Variants in MTHFD1L observed in about 807,000 individuals in gnomAD.
MTHFD1L encodes methylenetetrahydrofolate dehydrogenase (NADP+ dependent) 1 like.
MTHFD1L carries 81 observed loss-of-function variants against 119.5 expected under a neutral mutation model. The ratio of observed to expected loss-of-function variants is 0.68; its 90% confidence interval spans 0.57 to 0.82. The LOEUF is 0.82. Ranked by LOEUF, MTHFD1L falls within the 40% of genes least tolerant of loss-of-function variation. The pLI is 0.00. For synonymous variants in MTHFD1L, 430 were observed against 475.2 expected (o/e 0.90, Z 1.24); for missense variants, 1,125 against 1,253.4 (o/e 0.90, Z 1.55).
chr6:150,979,853 G>C (rs1057285710), intron 20 of MTHFD1L, among the ~76,000 whole-genome samples: 1 of 152,060 alleles, frequency 6.6e-6, no homozygotes, highest in Non-Finnish European at 1.5e-5. Context: ...TCTGCTGGTG[G>C]CTATACCCAG....
At chr6:150,885,374 T>G (rs1035498952) in intron 5 of MTHFD1L, among the ~76,000 whole-genome samples, 1 of 152,138 alleles carries the variant, frequency 6.6e-6, no homozygotes, top group Non-Finnish European at 1.5e-5. Flanking sequence ...TTTTGTATTT[T>G]TAGTGGAGTT....
chr6:150,965,108 C>A, intron 19 of MTHFD1L, 71 bp downstream of exon 19: 1 of 1,363,620 alleles, frequency 7.3e-7, no homozygotes, highest in Non-Finnish European at 1.0e-6. Context: ...CATTTTTAGC[C>A]AATATGAGGC....
At chr6:150,938,786 T>G (rs752886677) in intron 13 of MTHFD1L, 41 bp downstream of exon 13, 2 of 1,575,612 alleles carry the variant, frequency 1.3e-6, no homozygotes, top group Non-Finnish European at 1.7e-6. Context: ...TCACTGTGTT[T>G]CCTTCCTGAC....
intron 20 of MTHFD1L, among the ~76,000 whole-genome samples, chr6:150,988,442 T>C (rs1344429001): frequency 6.6e-6 from 1 of 152,210 alleles, no homozygotes; most frequent in Non-Finnish European, 1.5e-5. Flanking sequence ...ATAATTACAA[T>C]ATTGTGCTGT....
chr6:150,878,183 A>G (rs186360608), intron 4 of MTHFD1L, among the ~76,000 whole-genome samples: 4 of 151,926 alleles, frequency 2.6e-5, no homozygotes, highest in African/African-American at 9.7e-5. Flanking sequence ...TTTTCTTCCT[A>G]CTGGCTTCAT....
intron 24 of MTHFD1L, among the ~76,000 whole-genome samples, chr6:151,028,757 G>C (rs1333033071): frequency 1.3e-5 from 2 of 152,130 alleles, no homozygotes; most frequent in East Asian, 3.9e-4. Context: ...TAACGCTACT[G>C]AACTGTACAC....
intron 12 of MTHFD1L, among the ~76,000 whole-genome samples, chr6:150,938,064 C>A (rs1792421993): frequency 6.6e-6 from 1 of 152,178 alleles, no homozygotes; most frequent in Admixed American, 6.5e-5. Flanking sequence ...GTTGCCCAGG[C>A]TGGAATGCAG....
intron 1 of MTHFD1L, among the ~76,000 whole-genome samples, chr6:150,868,316 C>T (rs1303940550): frequency 6.6e-6 from 1 of 151,274 alleles, no homozygotes; most frequent in Admixed American, 6.6e-5. Context: ...CAAGACAAGT[C>T]CCTCAACAAA....
intron 20 of MTHFD1L, among the ~76,000 whole-genome samples, chr6:150,999,964 C>G (rs1324393963): frequency 6.6e-6 from 1 of 152,154 alleles, no homozygotes; most frequent in African/African-American, 2.4e-5. Context: ...TTCTGTGCAC[C>G]ACCTCCAATC....
intron 26 of MTHFD1L, among the ~76,000 whole-genome samples, chr6:151,089,251 A>G (rs966169134): frequency 4.6e-5 from 7 of 152,212 alleles, no homozygotes; most frequent in Admixed American, 3.9e-4. Context: ...CTTAAACTAT[A>G]AAATGCTTGT....
chr6:151,088,842 C>A (rs1191363345), intron 26 of MTHFD1L, among the ~76,000 whole-genome samples: 1 of 152,180 alleles, frequency 6.6e-6, no homozygotes, highest in Non-Finnish European at 1.5e-5. Flanking sequence ...ACAAATACAG[C>A]TCCAGGAACC....
intron 9 of MTHFD1L, among the ~76,000 whole-genome samples, chr6:150,919,728 G>A (rs1410114982): frequency 6.6e-5 from 10 of 152,138 alleles, no homozygotes; most frequent in South Asian, 4.1e-4. Context: ...TCACAAGGAC[G>A]CTACCGAGGG....
intron 26 of MTHFD1L, among the ~76,000 whole-genome samples, chr6:151,062,942 G>A (rs1229013246): frequency 7.9e-5 from 12 of 151,968 alleles, no homozygotes; most frequent in African/African-American, 2.4e-4. Flanking sequence ...TAAATGTCGA[G>A]TTAATGGGTG....
In MTHFD1L at chr6:150,973,448, G is replaced by A. The variant is rs184001138; in HGVS notation, c.2125+1390G>A. Among the ~76,000 whole-genome samples, 31 of 152,244 alleles carry A rather than the reference G, an allele frequency of 2.0e-4. No individual in the cohort carries two copies. In the East Asian group the frequency reaches 5.0e-3, roughly 25 times the overall value. On this transcript the variant is annotated intron_variant, in intron 20 of 27. Coordinates refer to ENST00000367321, the MANE Select transcript of MTHFD1L (RefSeq NM_015440.5). ...TCTAAGTGGATTTGCTCAATTGATCGCTGCCTAATTGTAGAGCTAATGGAC... is the reference window on the plus strand; with the variant it reads ...TCTAAGTGGATTTGCTCAATTGATCACTGCCTAATTGTAGAGCTAATGGAC...
At chr6:150,910,503 C>T (rs368578077) in intron 8 of MTHFD1L, among the ~76,000 whole-genome samples, 5 of 148,444 alleles carry the variant, frequency 3.4e-5, no homozygotes, top group African/African-American at 5.0e-5. Context: ...GTGGAGGTTA[C>T]GGTGAGCTGA....
chr6:150,866,654 G>T (rs1166794273), intron 1 of MTHFD1L: 1 of 1,196,124 alleles, frequency 8.4e-7, no homozygotes, highest in Non-Finnish European at 1.0e-6. Context: ...GGGCCCCCGG[G>T]ACAGCCGCCG....
intron 26 of MTHFD1L, among the ~76,000 whole-genome samples, chr6:151,087,027 A>T (rs1793871137): frequency 6.6e-6 from 1 of 152,142 alleles, no homozygotes; most frequent in African/African-American, 2.4e-5. Context: ...AGGCAGACGA[A>T]TCATTTGAGT....
intron 26 of MTHFD1L, among the ~76,000 whole-genome samples, chr6:151,082,788 C>T (rs4869984): frequency 0.32 from 48,387 of 151,922 alleles, 9,024 homozygotes; most frequent in East Asian, 0.57. Context: ...AGATAAAGAA[C>T]GAGGGCTGAC....
At chr6:150,963,866 T>C (rs957640919) in intron 18 of MTHFD1L, among the ~76,000 whole-genome samples, 3 of 151,904 alleles carry the variant, frequency 2.0e-5, no homozygotes, top group African/African-American at 7.3e-5. Context: ...TGAGAAGGAA[T>C]TGGGAAAAAA....
Sources: gnomAD v4.1 joint callset for allele counts (sites outside exome capture counted in the v4.1 genomes callset) on GRCh38, gnomAD v4.1.1 for gene constraint, MANE v1.5 for transcripts, NCBI Gene and HGNC (gene_info 2026-07-23, HGNC 2026-07-21) for gene names.